The following SP4 variants were observed in gnomAD, a reference collection of about 807,000 sequenced individuals.
SP4 encodes Sp4 transcription factor, also known as transcription factor Sp4.
In SP4, 19 loss-of-function variants were observed where a neutral mutation model predicts 72.8. That is an observed-to-expected ratio of 0.26 (90% CI 0.18 to 0.38). The LOEUF is 0.38. SP4 is among the 10% of genes least tolerant of loss of function. The pLI is 1.00. For missense variants in SP4, 1,008 were observed against 926.3 expected (o/e 1.09, Z -1.14); for synonymous variants, 395 against 333.1 (o/e 1.19, Z -2.02).
At chr7:21,476,560 T>C (rs937614443) in intron 3 of SP4, among the ~76,000 whole-genome samples, 3 of 152,168 alleles carry the variant, frequency 2.0e-5, no homozygotes, top group African/African-American at 7.2e-5. Context: ...CTAAAAAAAG[T>C]CGAATCAATA....
At chr7:21,433,089 A>C (rs1024984587) in intron 3 of SP4, among the ~76,000 whole-genome samples, 2 of 152,210 alleles carry the variant, frequency 1.3e-5, no homozygotes, top group Non-Finnish European at 2.9e-5. Context: ...GTGTTGAGCT[A>C]GTTCGTTTGT....
chr7:21,489,356 T>C (rs935125160), intron 5 of SP4, among the ~76,000 whole-genome samples: 9 of 152,072 alleles, frequency 5.9e-5, no homozygotes, highest in Non-Finnish European at 8.8e-5. Context: ...GCTGAGACCA[T>C]GTCACCCAGG....
At chr7:21,497,783 A>G (rs1463822473) in intron 5 of SP4, among the ~76,000 whole-genome samples, 1 of 152,224 alleles carries the variant, frequency 6.6e-6, no homozygotes, top group Non-Finnish European at 1.5e-5. Context: ...TGGATTAAAT[A>G]GCCTAAATAA....
chr7:21,495,946 A>G (rs1021135186), intron 5 of SP4, among the ~76,000 whole-genome samples: 5 of 152,220 alleles, frequency 3.3e-5, no homozygotes, highest in Non-Finnish European at 7.4e-5. Context: ...ATAAACAGCC[A>G]CATGGATGAA....
chr7:21,452,376 T>G (rs1162860962), intron 3 of SP4, among the ~76,000 whole-genome samples: 4 of 152,234 alleles, frequency 2.6e-5, no homozygotes, highest in African/African-American at 9.6e-5. Context: ...TAAGCCCAGC[T>G]ATCAGTTGGT....
intron 5 of SP4, among the ~76,000 whole-genome samples, chr7:21,485,188 T>C (rs889273032): frequency 3.5e-4 from 53 of 152,090 alleles, no homozygotes; most frequent in African/African-American, 1.2e-3. Flanking sequence ...TTTAATATGT[T>C]AAGTTGAAAG....
At chr7:21,510,394 A>G (rs190916795) in intron 5 of SP4, among the ~76,000 whole-genome samples, 2 of 152,196 alleles carry the variant, frequency 1.3e-5, no homozygotes, top group South Asian at 2.1e-4. Context: ...ATTCCAAAAC[A>G]AAGAAGTCGG....
chr7:21,454,838 G>A (rs753546168), intron 3 of SP4, among the ~76,000 whole-genome samples: 2 of 152,168 alleles, frequency 1.3e-5, no homozygotes, highest in Non-Finnish European at 2.9e-5. Context: ...ACCCATCTTT[G>A]AAAGTAAGTT....
At chr7:21,429,253 C>T (rs780240714) in intron 2 of SP4, 36 bp from the exon 3 acceptor site, 35 of 114,312 alleles carry the variant, frequency 3.1e-4, no homozygotes, top group South Asian at 9.8e-4. Context: ...ACTTTTTTTC[C>T]CCCCCCCCTC....
At chr7:21,498,946 AGTGGCGGCCT>A (rs1233124569) in intron 5 of SP4, among the ~76,000 whole-genome samples, 1 of 151,830 alleles carries the variant, frequency 6.6e-6, no homozygotes, top group African/African-American at 2.4e-5. Flanking sequence ...AGCTGGGCAC[AGTGGCGGCCT>A]GTAGTCCCAG....
intron 3 of SP4, among the ~76,000 whole-genome samples, chr7:21,437,914 A>G (rs945020913): frequency 6.6e-6 from 1 of 152,186 alleles, no homozygotes; most frequent in Middle Eastern, 3.2e-3. Context: ...GAATGTGGAA[A>G]ACATTTCGTA....
At chr7:21,468,083 A>G (rs749924296) in intron 3 of SP4, among the ~76,000 whole-genome samples, 9 of 152,090 alleles carry the variant, frequency 5.9e-5, no homozygotes, top group Non-Finnish European at 1.2e-4. Flanking sequence ...AACCTTGCAA[A>G]TCGTCTTTTC....
rs920476587 is a variant in SP4, at chr7:21,513,685, A to T, written c.*2416A>T. The T allele has an allele frequency of 1.3e-5, 2 of 152,246 alleles. No individual in the cohort carries two copies. Among genetic ancestry groups the T allele is most frequent in the Admixed American group, 6.5e-5 (1 of 15,284 alleles). 9.4% of individuals were successfully genotyped at this position (152,246 alleles called of 1,614,324 possible). ...CCAAGTATGAACACTCTGCATCATTATTCCATGAACCAGTTCTAATGCAAA... is the reference window on the plus strand; with the variant it reads ...CCAAGTATGAACACTCTGCATCATTTTTCCATGAACCAGTTCTAATGCAAA... On this transcript the variant is annotated 3_prime_UTR_variant, in exon 6 of 6. Transcript: ENST00000222584.
chr7:21,493,537 G>T (rs1012058694), intron 5 of SP4, among the ~76,000 whole-genome samples: 2 of 151,958 alleles, frequency 1.3e-5, no homozygotes, highest in African/African-American at 4.8e-5. Context: ...AAATAATAAA[G>T]AGTAGAAATA....
intron 5 of SP4, among the ~76,000 whole-genome samples, chr7:21,487,756 ATGATGATGGTGGTGG>A (rs1484176059): frequency 2.4e-5 from 2 of 84,416 alleles, no homozygotes; most frequent in African/African-American, 1.1e-4. Context: ...GATGATGATG[ATGATGATGGTGGTGG>A]TGGTGGTGGT....
At chr7:21,500,716 C>T (rs1269243997) in intron 5 of SP4, among the ~76,000 whole-genome samples, 1 of 152,182 alleles carries the variant, frequency 6.6e-6, no homozygotes, top group Non-Finnish European at 1.5e-5. Flanking sequence ...GGCACGTTTC[C>T]CCTCACTATT....
intron 5 of SP4, among the ~76,000 whole-genome samples, chr7:21,507,358 A>G (rs183886092): frequency 6.6e-6 from 1 of 152,312 alleles, no homozygotes; most frequent in East Asian, 1.9e-4. Flanking sequence ...TTAAATTTGG[A>G]TAAGGATTTA....
At chr7:21,501,819 C>G (rs548576529) in intron 5 of SP4, among the ~76,000 whole-genome samples, 177 of 152,288 alleles carry the variant, frequency 1.2e-3, no homozygotes, top group African/African-American at 3.9e-3. Context: ...CCTTTTTCTG[C>G]TAGTATCATG....
Position 21,505,233 on chromosome 7 carries a change from C to G in SP4, c.2108-5789C>G, listed in dbSNP as rs187327912. ...AGGCAGACCCACTATTCCCAGTATT[C>G]TCTCTGGGTTTATTCTTCACATCCC... On this transcript the variant is annotated intron_variant, in intron 5 of 5. Coordinates refer to ENST00000222584, the MANE Select transcript of SP4 (RefSeq NM_003112.5). Among the ~76,000 whole-genome samples, 40 of 152,298 alleles carry G rather than the reference C, an allele frequency of 2.6e-4. 1 individual carries two copies. The East Asian group carries it at 7.1e-3, about 27-fold the overall frequency.
Sources: gnomAD v4.1 joint callset for allele counts (sites outside exome capture counted in the v4.1 genomes callset) on GRCh38, gnomAD v4.1.1 for gene constraint, MANE v1.5 for transcripts, NCBI Gene and HGNC (gene_info 2026-07-23, HGNC 2026-07-21) for gene names.